Variants in FSHR observed in about 807,000 individuals in gnomAD.
FSHR encodes the protein follicle stimulating hormone receptor, also known as follicle-stimulating hormone receptor.
FSHR carries 46 observed loss-of-function variants against 52.1 expected under a neutral mutation model. That is an observed-to-expected ratio of 0.88 (90% CI 0.70 to 1.13). The LOEUF is 1.13. Ranked by LOEUF, FSHR falls within the 50% of genes most tolerant of loss-of-function variation. The probability of loss-of-function intolerance (pLI) is 0.00; values close to 1 mark genes in which losing one functional copy is unlikely to be tolerated. For missense variants in FSHR, 964 were observed against 834.6 expected (o/e 1.16, Z -1.91); for synonymous variants, 399 against 309.6 (o/e 1.29, Z -3.03).
At chr2:49,092,746 A>G (rs574130044) in intron 1 of FSHR, among the ~76,000 whole-genome samples, 8 of 151,980 alleles carry the variant, frequency 5.3e-5, no homozygotes, top group African/African-American at 7.3e-5. Flanking sequence ...GCTCACTGCA[A>G]CCTTCACCTC....
intron 2 of FSHR, among the ~76,000 whole-genome samples, chr2:49,046,834 A>T (rs1572675909): frequency 6.6e-6 from 1 of 152,294 alleles, no homozygotes; most frequent in East Asian, 1.9e-4. Context: ...AACAGAACAA[A>T]CACAACAGCA....
chr2:49,066,314 G>T (rs1464660770), intron 2 of FSHR, among the ~76,000 whole-genome samples: 1 of 152,008 alleles, frequency 6.6e-6, no homozygotes. Context: ...TGAAGAAAAG[G>T]CCAATATTTA....
At chr2:49,037,690 A>C (rs1445408846) in intron 2 of FSHR, among the ~76,000 whole-genome samples, 1 of 152,222 alleles carries the variant, frequency 6.6e-6, no homozygotes, top group Non-Finnish European at 1.5e-5. Flanking sequence ...AGCTATAAAC[A>C]ATGAAATTAA....
intron 6 of FSHR, 79 bp downstream of exon 6, chr2:48,988,898 G>T: frequency 8.3e-7 from 1 of 1,201,976 alleles, no homozygotes; most frequent in Non-Finnish European, 1.2e-6. Flanking sequence ...AAACAAAAAA[G>T]GAGCATCCAA....
Position 49,048,105 on chromosome 2 carries a change from C to G in FSHR, c.224+20114G>C, listed in dbSNP as rs555107826. ...TTCATCATGTTGGCCAGGCTGGTCT[C>G]AAACTCCTGACCTCAAGTGATCTGC... is the stretch of plus-strand genomic sequence containing the variant. On this transcript the variant is annotated intron_variant, in intron 2 of 9. Coordinates refer to ENST00000406846, the MANE Select transcript of FSHR (RefSeq NM_000145.4). Among the ~76,000 whole-genome samples the G allele has an allele frequency of 1.1e-4, 16 of 152,136 alleles. No homozygotes were observed. The South Asian group carries it at 3.1e-3, about 30-fold the overall frequency.
intron 1 of FSHR, among the ~76,000 whole-genome samples, chr2:49,103,253 A>G (rs1301201350): frequency 6.6e-6 from 1 of 152,140 alleles, no homozygotes; most frequent in Non-Finnish European, 1.5e-5. Flanking sequence ...AGGGACTGAT[A>G]CAGAAATGCT....
intron 1 of FSHR, among the ~76,000 whole-genome samples, chr2:49,140,207 G>T (rs1000458388): frequency 1.3e-5 from 2 of 152,096 alleles, no homozygotes; most frequent in Non-Finnish European, 2.9e-5. Flanking sequence ...TCATGGGGGT[G>T]GATCCCTCAT....
chr2:49,003,311 C>G (rs1261222081), intron 4 of FSHR, among the ~76,000 whole-genome samples: 1 of 152,104 alleles, frequency 6.6e-6, no homozygotes, highest in Non-Finnish European at 1.5e-5. Context: ...TGTGCAGACC[C>G]TGTATTCTGT....
At chr2:49,141,651 G>A (rs554774832) in intron 1 of FSHR, among the ~76,000 whole-genome samples, 5 of 152,250 alleles carry the variant, frequency 3.3e-5, no homozygotes, top group Admixed American at 2.0e-4. Flanking sequence ...CGCCAACCCT[G>A]ACTGGGTACA....
intron 1 of FSHR, among the ~76,000 whole-genome samples, chr2:49,127,902 T>TCTTCTTCTTCTTCTTCTTCTTC (rs1476153675): frequency 1.5e-5 from 2 of 132,686 alleles, no homozygotes; most frequent in African/African-American, 6.1e-5. Context: ...CTTCTTCTTT[T>TCTTCTTCTTCTTCTTCTTCTTC]TTTTTTTTGA....
Position 48,963,890 on chromosome 2 carries a change from T to G in FSHR, c.931A>C (p.Arg311=). 1 of 1,614,106 alleles carries G rather than the reference T, an allele frequency of 6.2e-7. No individual in the cohort carries two copies. Among genetic ancestry groups the G allele is most frequent in the East Asian group, 2.2e-5 (1 of 44,882 alleles). Residue 311 remains arginine (R), a synonymous_variant, in exon 10 of 10, where the codon AGA becomes CGA. Coordinates refer to ENST00000406846, the MANE Select transcript of FSHR (RefSeq NM_000145.4). The part of the protein sequence containing the change: ...VDYMTQARGQ[R]SSLAEDNESS... ...TCATTGTCTTCTGCCAGAGAGGATC[T>G]CTGACCCCTAGCCTGAGTCATATAA...
At chr2:48,967,126 C>T (rs1674509554) in intron 9 of FSHR, among the ~76,000 whole-genome samples, 1 of 152,192 alleles carries the variant, frequency 6.6e-6, no homozygotes, top group Non-Finnish European at 1.5e-5. Context: ...GACAGGGTCT[C>T]ACTCTGCTGC....
intron 9 of FSHR, among the ~76,000 whole-genome samples, chr2:48,966,895 G>T (rs912485976): frequency 6.6e-6 from 1 of 152,186 alleles, no homozygotes; most frequent in Non-Finnish European, 1.5e-5. Flanking sequence ...AACCTAGAGG[G>T]ATGAGAGCCG....
chr2:49,019,110 C>G (rs749794426), intron 3 of FSHR, among the ~76,000 whole-genome samples: 2 of 152,078 alleles, frequency 1.3e-5, no homozygotes, highest in African/African-American at 4.8e-5. Context: ...ATGGTAATCA[C>G]CAATCTCTAA....
intron 2 of FSHR, among the ~76,000 whole-genome samples, chr2:49,033,875 A>G (rs553403416): frequency 1.3e-5 from 2 of 152,198 alleles, no homozygotes; most frequent in Non-Finnish European, 2.9e-5. Flanking sequence ...AGGTATTTTT[A>G]GAGCTTTAAG....
chr2:48,968,708 T>A lies in FSHR; in HGVS notation c.844A>T (p.Arg282Ter), dbSNP rs745484247. ...AAAGGATGGACTCACATTTGCCGTC[T>A]CCAGTTTGCAAAGGCACAGCAATGG... Reference protein sequence around the residue: ...PSHCCAFANWRRQISELHPIC... With the variant: ...PSHCCAFANW The change falls in exon 9 of 10, where the codon AGA (arginine) becomes TGA (stop). Residue 282 changes from arginine to a stop codon, truncating the protein, a stop_gained. Transcript: ENST00000406846. LOFTEE classifies it high-confidence loss of function. The A allele has an allele frequency of 8.1e-6, 13 of 1,614,136 alleles. No homozygotes were observed. The highest frequency in any genetic ancestry group is 1.0e-5 in the Non-Finnish European group (12 of 1,179,988).
At chr2:49,035,814 C>T (rs934125748) in intron 2 of FSHR, among the ~76,000 whole-genome samples, 2 of 152,140 alleles carry the variant, frequency 1.3e-5, no homozygotes, top group African/African-American at 4.8e-5. Flanking sequence ...GTCCTTAAAG[C>T]ATGAGGAAGA....
intron 8 of FSHR, 53 bp downstream of exon 8, chr2:48,982,859 T>A: frequency 6.8e-7 from 1 of 1,473,592 alleles, no homozygotes; most frequent in Non-Finnish European, 9.5e-7. Flanking sequence ...AGAGTTGACT[T>A]CTAACTTACA....
At chr2:49,067,183 C>T (rs1669537507) in intron 2 of FSHR, among the ~76,000 whole-genome samples, 1 of 152,042 alleles carries the variant, frequency 6.6e-6, no homozygotes, top group Non-Finnish European at 1.5e-5. Context: ...CGAGGTTATG[C>T]AGTAATTTTA....
Sources: allele counts gnomAD v4.1 joint callset (sites outside exome capture counted in the v4.1 genomes callset), GRCh38; gene constraint gnomAD v4.1.1; transcripts MANE v1.5; gene names NCBI Gene and HGNC (gene_info 2026-07-23, HGNC 2026-07-21).